JADE2: variants seen among roughly 807,000 people sequenced by gnomAD.
The protein encoded by JADE2 is jade family PHD finger 2.
Under a neutral mutation model 85.7 loss-of-function variants are expected in JADE2, and 13 were observed. That is an observed-to-expected ratio of 0.15 (90% CI 0.10 to 0.24). The LOEUF (loss-of-function observed/expected upper bound fraction) is 0.24. Ranked by LOEUF, JADE2 falls within the 10% of genes least tolerant of loss-of-function variation. JADE2 has a pLI of 1.00. For missense variants in JADE2, 846 were observed against 1,115.9 expected (o/e 0.76, Z 3.45); for synonymous variants, 440 against 456.1 (o/e 0.96, Z 0.45).
intron 1 of JADE2, among the ~76,000 whole-genome samples, chr5:134,529,770 G>T (rs991991229): frequency 1.1e-4 from 16 of 152,244 alleles, no homozygotes; most frequent in African/African-American, 3.9e-4. Context: ...ATAGGCAGCC[G>T]ATATGGGAGC....
chr5:134,565,713 G>C (rs1763598698), intron 8 of JADE2, among the ~76,000 whole-genome samples: 1 of 151,898 alleles, frequency 6.6e-6, no homozygotes, highest in Admixed American at 6.6e-5. Flanking sequence ...CATGCCTGTA[G>C]CCCTAGCTAC....
intron 4 of JADE2, among the ~76,000 whole-genome samples, chr5:134,557,543 A>T (rs1469164920): frequency 1.4e-5 from 1 of 73,296 alleles, no homozygotes; most frequent in African/African-American, 5.4e-5. Flanking sequence ...CCCCGAACCC[A>T]CCACAGTCCC....
At chr5:134,557,257 TTTA>T (rs1215686803) in intron 4 of JADE2, among the ~76,000 whole-genome samples, 4 of 52,036 alleles carry the variant, frequency 7.7e-5, no homozygotes, top group Non-Finnish European at 1.0e-4. Context: ...TTTTCAAGCT[TTTA>T]TTTTTTTATT....
chr5:134,551,648 G>T (rs1481720275), intron 3 of JADE2, among the ~76,000 whole-genome samples: 1 of 152,024 alleles, frequency 6.6e-6, no homozygotes, highest in African/African-American at 2.4e-5. Flanking sequence ...AAAGTGTTGG[G>T]ATTACAGGCA....
chr5:134,541,185 C>T (rs1305453710), intron 3 of JADE2, among the ~76,000 whole-genome samples: 2 of 152,364 alleles, frequency 1.3e-5, no homozygotes, highest in East Asian at 3.9e-4. Context: ...AACCCTTGAA[C>T]TGTTGCCCAG....
chr5:134,552,883 G>C (rs1581433500), intron 4 of JADE2, among the ~76,000 whole-genome samples: 1 of 151,780 alleles, frequency 6.6e-6, no homozygotes, highest in African/African-American at 2.4e-5. Flanking sequence ...ATGTTGCCCG[G>C]GCTGATCTTG....
chr5:134,526,689 G>A (rs1374903516), intron 1 of JADE2: 2 of 985,460 alleles, frequency 2.0e-6, no homozygotes, highest in Non-Finnish European at 2.4e-6. Context: ...CAGCATGCTC[G>A]GCTCCTGGGG....
chr5:134,573,582 A>G (rs1764174569), intron 9 of JADE2, 63 bp from the exon 10 acceptor site: 1 of 1,161,164 alleles, frequency 8.6e-7, no homozygotes, highest in South Asian at 1.2e-5. Context: ...CAAGGTCCCC[A>G]GAGCTGGGAG....
intron 1 of JADE2, among the ~76,000 whole-genome samples, chr5:134,532,517 G>T (rs1263069330): frequency 6.6e-6 from 1 of 152,158 alleles, no homozygotes; most frequent in African/African-American, 2.4e-5. Flanking sequence ...AGGAAAATGA[G>T]ATCTTTTCTT....
chr5:134,556,013 C>G (rs895112201), intron 4 of JADE2, among the ~76,000 whole-genome samples: 27 of 152,216 alleles, frequency 1.8e-4, no homozygotes, highest in Non-Finnish European at 4.4e-5. Flanking sequence ...CCTGCCTCCC[C>G]GTCTCCTTCA....
intron 9 of JADE2, among the ~76,000 whole-genome samples, chr5:134,568,129 C>T (rs1055812763): frequency 3.3e-5 from 5 of 152,214 alleles, no homozygotes; most frequent in Admixed American, 3.3e-4. Context: ...GCCCATGTGT[C>T]TGTCCCTGGC....
intron 1 of JADE2, among the ~76,000 whole-genome samples, chr5:134,534,501 C>A (rs553714655): frequency 8.5e-5 from 13 of 152,074 alleles, no homozygotes; most frequent in Middle Eastern, 6.8e-3. Flanking sequence ...GAGAAGCTCC[C>A]GGCTAAGATC....
Position 134,537,975 on chromosome 5 carries a change from T to TTC in JADE2, c.59-6_59-5dup, listed in dbSNP as rs759463478. The TTC allele has an allele frequency of 6.2e-7, 1 of 1,609,892 alleles. No homozygotes were observed. Among genetic ancestry groups the TTC allele is most frequent in the African/African-American group, 1.3e-5 (1 of 74,952 alleles). ...GCCCTCCAGGACCCCTAATGGACTG[T>TTC]TCTCTCTCTGCAGGTCATGCGACAT... On this transcript the variant is annotated splice_polypyrimidine_tract_variant and intron_variant, in intron 2 of 11. Coordinates refer to ENST00000681547, the MANE Select transcript of JADE2 (RefSeq NM_001388185.1).
At chr5:134,547,077 C>T (rs542702011) in intron 3 of JADE2, among the ~76,000 whole-genome samples, 2 of 152,308 alleles carry the variant, frequency 1.3e-5, no homozygotes, top group African/African-American at 4.8e-5. Flanking sequence ...TCTTGGAGGT[C>T]ACTCATGCTC....
intron 8 of JADE2, among the ~76,000 whole-genome samples, chr5:134,565,307 T>G (rs1156968210): frequency 1.3e-5 from 2 of 152,162 alleles, no homozygotes; most frequent in African/African-American, 2.4e-5. Context: ...GATTTGTGAG[T>G]GCAGCATCAG....
In JADE2 at chr5:134,578,082, G is replaced by T. The variant is rs1038434903; in HGVS notation, c.1682-412G>T. ...ACCTGTGCAGTGCCACGGGGTCCTT[G>T]TTCTTGGTTAATGCTCTGCTGCTGC... On this transcript the variant is annotated intron_variant, in intron 11 of 11. Transcript: ENST00000681547. The surrounding 1 kb of genome is among the most constrained non-coding windows in gnomAD (Gnocchi z 4.4). Among the ~76,000 whole-genome samples, 8 of 152,176 alleles carry T rather than the reference G, an allele frequency of 5.3e-5. No homozygotes were observed. The highest frequency in any genetic ancestry group is 1.3e-4 in the Admixed American group (2 of 15,264).
chr5:134,555,317 G>A (rs762785923), intron 4 of JADE2, among the ~76,000 whole-genome samples: 3 of 152,206 alleles, frequency 2.0e-5, no homozygotes, highest in African/African-American at 4.8e-5. Context: ...TCTGGTGTGT[G>A]TCTGGTCTTC....
At position 134,578,636 on chromosome 5, in the gene JADE2, G is replaced by C. The variant is rs556728042; in HGVS notation, c.1824G>C (p.Leu608=). ...NGHREDPAPG[L]LSEELLQDEE... Reference sequence around the variant, plus strand: ...ACCGCGAGGACCCTGCTCCAGGGCTGCTGTCAGAGGAACTGCTGCAGGACG... The same window carrying C: ...ACCGCGAGGACCCTGCTCCAGGGCTCCTGTCAGAGGAACTGCTGCAGGACG... Residue 608 remains leucine, a synonymous_variant, in exon 12 of 12, where the codon CTG becomes CTC. Transcript: ENST00000681547. The surrounding 1 kb of genome is among the most constrained non-coding windows in gnomAD (Gnocchi z 4.4). The C allele has an allele frequency of 6.2e-7, 1 of 1,614,158 alleles. No individual in the cohort carries two copies. The highest frequency in any genetic ancestry group is 1.3e-5 in the African/African-American group (1 of 75,064).
chr5:134,578,559 C>G lies in JADE2; in HGVS notation c.1747C>G (p.Gln583Glu). Reference protein sequence around the residue: ...FFNSWLAQSVQITAENMAMSE... With the variant: ...FFNSWLAQSVEITAENMAMSE... ...CAACAGCTGGCTGGCACAGTCGGTG[C>G]AGATCACAGCAGAGAACATGGCCAT... is the stretch of plus-strand genomic sequence containing the variant. Residue 583 changes from glutamine to glutamate, a missense_variant, in exon 12 of 12, where the codon CAG becomes GAG. Physicochemically the swap from Gln to Glu is conservative, Grantham distance 29 (BLOSUM62 2). Transcript: ENST00000681547. This position sits in a 1 kb window ranked among gnomAD's most constrained non-coding sequence, Gnocchi z 4.4. 3 of 1,612,280 alleles carry G rather than the reference C, an allele frequency of 1.9e-6. No homozygotes were observed. The highest frequency in any genetic ancestry group is 2.5e-6 in the Non-Finnish European group (3 of 1,178,610).
Sources: gnomAD v4.1 joint callset for allele counts (sites outside exome capture counted in the v4.1 genomes callset) on GRCh38, gnomAD v4.1.1 for gene constraint, Gnocchi (gnomAD v3.1) non-coding constraint, MANE v1.5 for transcripts, NCBI Gene and HGNC (gene_info 2026-07-23, HGNC 2026-07-21) for gene names.